Variants in C4orf50 observed in about 807,000 individuals in gnomAD.
The protein encoded by C4orf50 is uncharacterized protein C4orf50.
A neutral mutation model predicts 77.2 loss-of-function variants in C4orf50; 80 were observed. The ratio of observed to expected loss-of-function variants is 1.04; its 90% CI spans 0.87 to 1.25. C4orf50 has a LOEUF of 1.25. Ranked by LOEUF, C4orf50 falls within the 50% of genes most tolerant of loss-of-function variation. The probability of loss-of-function intolerance (pLI) is 0.00; values close to 1 mark genes in which losing one functional copy is unlikely to be tolerated. For missense variants in C4orf50, 1,257 were observed against 1,152.9 expected, an observed-to-expected ratio of 1.09 and a Z score of -1.31; for synonymous variants, 532 against 465.3, an observed-to-expected ratio of 1.14 and a Z score of -1.84.
downstream of C4orf50, among the ~76,000 whole-genome samples, chr4:5,952,301 G>A (rs1020487698): frequency 3.3e-5 from 5 of 152,228 alleles, no homozygotes; most frequent in African/African-American, 1.2e-4. This position sits in a 1 kb window ranked among gnomAD's most constrained non-coding sequence, Gnocchi z 4.4. Flanking sequence ...AGGAGGAGGA[G>A]AGAACAGAAG....
chr4:5,978,391 G>C (rs546442327), intron 29 of C4orf50, among the ~76,000 whole-genome samples: 1 of 152,322 alleles, frequency 6.6e-6, no homozygotes, highest in South Asian at 2.1e-4. Flanking sequence ...ACTAAAGTGA[G>C]TTTAGGAGCA....
At position 6,000,942 on chromosome 4, in the gene C4orf50, T is replaced by C. The variant is rs1426130071; in HGVS notation, c.964-6466A>G. ...TATTAGGAAGCGGTGCTGAGTCCCC[T>C]CCAAGGGCAACCCATCGGTAAGTGG... On this transcript the variant is annotated intron_variant, in intron 25 of 33. Coordinates refer to ENST00000531445, the Ensembl canonical transcript of C4orf50. This position sits in a 1 kb window ranked among gnomAD's most constrained non-coding sequence, Gnocchi z 6.0. Among the ~76,000 whole-genome samples the C allele has an allele frequency of 1.3e-5, 2 of 152,038 alleles. No individual in the cohort carries two copies. Among genetic ancestry groups the C allele is most frequent in the East Asian group, 3.9e-4 (2 of 5,170 alleles).
rs546545761 is a variant in C4orf50 at position 5,930,983 on chromosome 4, C to G, written c.*2474+25918G>C. On this transcript the variant is annotated intron_variant, in intron 7 of 7. Transcript: ENST00000324058. ...CCCGGCCAGGAGTGCACAAACGCCT[C>G]GTGCATAAATGAGCAAACAGTTCAG... Among the ~76,000 whole-genome samples, 7 of 152,286 alleles carry G rather than the reference C, an allele frequency of 4.6e-5. No individual in the cohort carries two copies. The East Asian group carries it at 1.4e-3, about 29-fold the overall frequency.
At position 5,980,187 on chromosome 4, in the gene C4orf50, T is replaced by TC. The variant is rs1178564257; in HGVS notation, c.3850dup (p.Glu1284GlyfsTer7). On this transcript the variant is annotated frameshift_variant, in exon 29 of 34. Transcript: ENST00000531445. LOFTEE classifies it high-confidence loss of function. ...CACTTCCCACACCTTGGCCTGGAGC[T>TC]CCTCCTGGAGGCGGGTGGCCTCGTC... The TC allele has an allele frequency of 6.3e-7, 1 of 1,598,398 alleles. No homozygotes were observed. The highest frequency in any genetic ancestry group is 1.1e-5 in the South Asian group (1 of 89,850).
At chr4:5,921,830 G>T (rs756757437) in intron 7 of C4orf50, among the ~76,000 whole-genome samples, 14 of 152,188 alleles carry the variant, frequency 9.2e-5, no homozygotes, top group Non-Finnish European at 1.8e-4. Context: ...TCTGACGGCC[G>T]GTGCTGGGAG....
intron 25 of C4orf50, among the ~76,000 whole-genome samples, chr4:6,006,621 T>C (rs949952594): frequency 2.0e-5 from 3 of 152,134 alleles, no homozygotes; most frequent in East Asian, 1.9e-4. Flanking sequence ...GAGCACACAG[T>C]AGGAATACAT....
At position 6,008,475 on chromosome 4, in the gene C4orf50, G is replaced by T; in HGVS notation, c.484C>A (p.Arg162=). The change falls in exon 25 of 34, where the codon CGG becomes AGG. Residue 162 remains arginine (R), a synonymous_variant. Transcript: ENST00000531445. The surrounding 1 kb of genome is among the most constrained non-coding windows in gnomAD (Gnocchi z 6.0). ...AGTGCCTCGTCCTTGCGCCGCAACC[G>T]CTCCTGCAACCGCCGCAGCCGCCAC... 2.5e-6 allele frequency: 1 copy of T among 397,578 alleles called. No individual in the cohort carries two copies. Among genetic ancestry groups the T allele is most frequent in the Admixed American group, 4.4e-5 (1 of 22,692 alleles). The allele number at this position is 397,578 out of a possible 1,614,324, so 24.6% of individuals were successfully genotyped here. A position where few individuals can be genotyped will look rare whatever the true frequency, so the allele number is the denominator to read the frequency against.
downstream of C4orf50, among the ~76,000 whole-genome samples, chr4:5,956,205 G>A (rs1432659512): frequency 6.6e-6 from 1 of 152,152 alleles, no homozygotes; most frequent in Non-Finnish European, 1.5e-5. Context: ...AGAAAGCCAG[G>A]TATCTCTACC....
intron 26 of C4orf50, among the ~76,000 whole-genome samples, chr4:5,994,137 T>A (rs1721445883): frequency 6.6e-6 from 1 of 152,194 alleles, no homozygotes; most frequent in East Asian, 1.9e-4. Context: ...CAAAGGCCCC[T>A]GGTGGGAGTT....
At position 6,018,168 on chromosome 4, in the gene C4orf50, T is replaced by C. The variant is rs1722751627; in HGVS notation, c.264A>G (p.Thr88=). 2.5e-6 allele frequency: 1 copy of C among 398,916 alleles called. No homozygotes were observed. The highest frequency in any genetic ancestry group is 4.4e-6 in the Non-Finnish European group (1 of 226,078). 24.7% of individuals were successfully genotyped at this position (398,916 alleles called of 1,614,324 possible). A position where few individuals can be genotyped will look rare whatever the true frequency, so the allele number is the denominator to read the frequency against. Reference sequence around the variant, plus strand: ...ACCTGCTTCTCAGCCCGGACTCCGATGTCACGTACTTGTCCTCTGCTGCTG... The same window carrying C: ...ACCTGCTTCTCAGCCCGGACTCCGACGTCACGTACTTGTCCTCTGCTGCTG... Residue 88 remains threonine (T), a synonymous_variant, in exon 23 of 34, where the codon ACA becomes ACG. Transcript: ENST00000531445. The surrounding 1 kb of genome is among the most constrained non-coding windows in gnomAD (Gnocchi z 5.1).
chr4:5,921,396 T>C (rs1717263030), intron 7 of C4orf50, among the ~76,000 whole-genome samples: 1 of 152,198 alleles, frequency 6.6e-6, no homozygotes, highest in Non-Finnish European at 1.5e-5. Flanking sequence ...GCCTCCAGGA[T>C]ATATATACAC....
chr4:5,931,407 A>G (rs1239780048), intron 7 of C4orf50, among the ~76,000 whole-genome samples: 1 of 152,200 alleles, frequency 6.6e-6, no homozygotes, highest in East Asian at 1.9e-4. Flanking sequence ...GGTTTGCAAA[A>G]ACTTTTCACT....
At chr4:6,014,423 T>C (rs1476802648) in intron 23 of C4orf50, among the ~76,000 whole-genome samples, 2 of 152,220 alleles carry the variant, frequency 1.3e-5, no homozygotes, top group Admixed American at 6.5e-5. Flanking sequence ...AGATGGGGAA[T>C]AAATATGCAA....
chr4:5,966,949 A>G (rs1560569824), intron 32 of C4orf50, among the ~76,000 whole-genome samples: 1 of 152,220 alleles, frequency 6.6e-6, no homozygotes, highest in African/African-American at 2.4e-5. Flanking sequence ...CGCCTGGCCC[A>G]TATCCTAACA....
At chr4:6,006,541 G>A (rs1294224389) in intron 25 of C4orf50, among the ~76,000 whole-genome samples, 5 of 152,236 alleles carry the variant, frequency 3.3e-5, no homozygotes, top group Admixed American at 2.0e-4. Flanking sequence ...GCAAAAGGAA[G>A]ATGCGAATAT....
Position 6,017,111 on chromosome 4 carries a change from G to T in C4orf50, c.287+1034C>A, listed in dbSNP as rs971502336. Among the ~76,000 whole-genome samples the T allele has an allele frequency of 6.6e-6, 1 of 152,252 alleles. No individual in the cohort carries two copies. Among genetic ancestry groups the T allele is most frequent in the African/African-American group, 2.4e-5 (1 of 41,466 alleles). On this transcript the variant is annotated intron_variant, in intron 23 of 33. Coordinates refer to ENST00000531445, the Ensembl canonical transcript of C4orf50. The surrounding 1 kb of genome is among the most constrained non-coding windows in gnomAD (Gnocchi z 4.7). ...TTCAAACGCCCCACCTTGAGGCCAG[G>T]TCAGCTCCATCAGGCAAACAGTGCC...
intron 29 of C4orf50, among the ~76,000 whole-genome samples, chr4:5,976,455 C>CG (rs1720292720): frequency 1.3e-5 from 1 of 76,048 alleles, no homozygotes; most frequent in South Asian, 6.5e-4. Flanking sequence ...GGCTCTGTCT[C>CG]GGAAAAAAAA....
chr4:5,936,289 C>T (rs1164204459), intron 7 of C4orf50, among the ~76,000 whole-genome samples: 5 of 151,846 alleles, frequency 3.3e-5, no homozygotes, highest in South Asian at 2.1e-4. Flanking sequence ...AGGATGGGTG[C>T]GGTGGCTCAT....
At chr4:5,926,269 C>T (rs1305654337) in intron 7 of C4orf50, among the ~76,000 whole-genome samples, 3 of 152,304 alleles carry the variant, frequency 2.0e-5, no homozygotes, top group South Asian at 2.1e-4. Flanking sequence ...GAAGGAATGA[C>T]GTGCTATCAC....
Sources: allele counts gnomAD v4.1 joint callset (sites outside exome capture counted in the v4.1 genomes callset), GRCh38; gene constraint gnomAD v4.1.1; non-coding constraint Gnocchi (gnomAD v3.1); transcripts MANE v1.5; gene names NCBI Gene and HGNC (gene_info 2026-07-23, HGNC 2026-07-21).